Variants in CDH17 observed in about 807,000 individuals in gnomAD.
CDH17 encodes the protein cadherin 17.
CDH17 carries 67 observed loss-of-function variants against 86.3 expected under a neutral mutation model. The observed-to-expected ratio is 0.78, with a 90% CI of 0.64 to 0.95. The LOEUF (loss-of-function observed/expected upper bound fraction) is 0.95. CDH17 is among the 40% of genes least tolerant of loss of function. CDH17 has a pLI of 0.00. For synonymous variants in CDH17, 367 were observed against 366.4 expected (o/e 1.00, Z -0.02); for missense variants, 993 against 1,017.6 (o/e 0.98, Z 0.33).
chr8:94,170,756 G>GTT, intron 8 of CDH17, 98 bp downstream of exon 8: 25 of 1,276,204 alleles, frequency 2.0e-5, no homozygotes, highest in Admixed American at 4.9e-5. Flanking sequence ...TGAAATGTGT[G>GTT]TTTTTTTTTT....
At position 94,173,524 on chromosome 8, in the gene CDH17, C is replaced by A. The variant is rs372557776; in HGVS notation, c.783+273G>T. ...CTTGAACAGCCTGCAAAACGATGCA[C>A]CAATTAAACTTTTCTTTACAAATTC... On this transcript the variant is annotated intron_variant, in intron 7 of 17. Coordinates refer to ENST00000027335, the MANE Select transcript of CDH17 (RefSeq NM_004063.4). Among the ~76,000 whole-genome samples, 246 of 152,334 alleles carry A rather than the reference C, an allele frequency of 1.6e-3. No individual in the cohort carries two copies. In the Middle Eastern group the frequency reaches 0.024, roughly 15 times the overall value.
chr8:94,136,474 T>C (rs1812529079), intron 15 of CDH17, among the ~76,000 whole-genome samples: 1 of 152,232 alleles, frequency 6.6e-6, no homozygotes, highest in Admixed American at 6.5e-5. Context: ...TCTCCTGCCA[T>C]GGTTTTCAGC....
chr8:94,130,463 A>G (rs908380014), intron 17 of CDH17, among the ~76,000 whole-genome samples, 163 bp downstream of exon 17: 2 of 152,264 alleles, frequency 1.3e-5, no homozygotes, highest in Non-Finnish European at 2.9e-5. Context: ...TGTAACTCCA[A>G]TCAAGAAAGT....
At chr8:94,183,551 C>T (rs1410482779) in intron 3 of CDH17, among the ~76,000 whole-genome samples, 1 of 149,396 alleles carries the variant, frequency 6.7e-6, no homozygotes, top group Non-Finnish European at 1.5e-5. Flanking sequence ...CCATACCATA[C>T]ACAAAACTAA....
At chr8:94,211,974 CCCCTGAAA>C (rs1395482993), upstream of CDH17, among the ~76,000 whole-genome samples, 2 of 152,272 alleles carry the variant, frequency 1.3e-5, no homozygotes, top group East Asian at 3.9e-4. Context: ...AATTTTGAAC[CCCCTGAAA>C]CCTAGAGTTC....
At chr8:94,180,630 C>T (rs2130650969) in intron 3 of CDH17, among the ~76,000 whole-genome samples, 1 of 152,248 alleles carries the variant, frequency 6.6e-6, no homozygotes, top group East Asian at 1.9e-4. Flanking sequence ...GGTGCAGTGG[C>T]TCATGCCTGT....
At chr8:94,167,282 C>T (rs931229580) in intron 9 of CDH17, among the ~76,000 whole-genome samples, 3 of 152,128 alleles carry the variant, frequency 2.0e-5, no homozygotes, top group African/African-American at 7.2e-5. Flanking sequence ...AGGTTCCAGA[C>T]CATCCTACTC....
intron 15 of CDH17, among the ~76,000 whole-genome samples, chr8:94,131,607 T>C (rs1812416913): frequency 1.3e-5 from 2 of 151,936 alleles, no homozygotes; most frequent in Non-Finnish European, 2.9e-5. Context: ...TTAGGAATTC[T>C]AGATAGCACT....
intron 3 of CDH17, 140 bp from the exon 4 acceptor site, chr8:94,177,861 T>G (rs1056052774): frequency 6.7e-6 from 5 of 741,054 alleles, no homozygotes; most frequent in Middle Eastern, 3.8e-4. Context: ...AAGTGGTACC[T>G]TCTAAAAGTT....
intron 15 of CDH17, among the ~76,000 whole-genome samples, chr8:94,141,016 A>G (rs1394720201): frequency 1.3e-5 from 2 of 152,164 alleles, no homozygotes; most frequent in African/African-American, 4.8e-5. Context: ...TCCTCATTAT[A>G]CAAGGCAAAA....
intron 12 of CDH17, among the ~76,000 whole-genome samples, chr8:94,152,648 T>G (rs1241519218): frequency 1.3e-5 from 2 of 152,074 alleles, no homozygotes; most frequent in Non-Finnish European, 2.9e-5. Context: ...TCTGCCCACC[T>G]TGGCCTCCCA....
At chr8:94,201,962 G>C (rs1813922754) in intron 1 of CDH17, 3 of 229,782 alleles carry the variant, frequency 1.3e-5, no homozygotes, top group Non-Finnish European at 2.6e-5. Context: ...GGCACACACA[G>C]ATTGCAGGTA....
At chr8:94,129,684 T>C (rs957522645) in intron 17 of CDH17, among the ~76,000 whole-genome samples, 2 of 152,154 alleles carry the variant, frequency 1.3e-5, no homozygotes, top group Non-Finnish European at 2.9e-5. Flanking sequence ...AGAGGGCAAT[T>C]ACTATATAGG....
intron 5 of CDH17, among the ~76,000 whole-genome samples, chr8:94,175,646 CGCCTTAATGAAG>C (rs1178235680): frequency 5.3e-5 from 8 of 151,996 alleles, no homozygotes; most frequent in Non-Finnish European, 8.8e-5. Flanking sequence ...GACACACTCA[CGCCTTAATGAAG>C]GCCTTAATGA....
At chr8:94,198,794 G>C (rs1053837008) in intron 1 of CDH17, among the ~76,000 whole-genome samples, 1 of 152,044 alleles carries the variant, frequency 6.6e-6, no homozygotes, top group African/African-American at 2.4e-5. Flanking sequence ...TGCTTAATGA[G>C]GTTGGATGGA....
intron 1 of CDH17, among the ~76,000 whole-genome samples, chr8:94,200,178 C>T (rs930774455): frequency 9.9e-5 from 15 of 152,278 alleles, no homozygotes; most frequent in African/African-American, 3.6e-4. Context: ...CAGGTCCCAC[C>T]TACACTTCCT....
chr8:94,179,924 A>T (rs1029440765), intron 3 of CDH17, among the ~76,000 whole-genome samples: 1 of 152,194 alleles, frequency 6.6e-6, no homozygotes, highest in African/African-American at 2.4e-5. Flanking sequence ...AAATTATGAA[A>T]TGTACAAAAA....
intron 1 of CDH17, among the ~76,000 whole-genome samples, chr8:94,195,985 C>A (rs1813779282): frequency 6.6e-6 from 1 of 152,182 alleles, no homozygotes; most frequent in Non-Finnish European, 1.5e-5. Flanking sequence ...TGGTCTCAAT[C>A]TCCCGACCTC....
At chr8:94,154,282 G>A (rs1358184619) in intron 12 of CDH17, among the ~76,000 whole-genome samples, 1 of 152,192 alleles carries the variant, frequency 6.6e-6, no homozygotes, top group East Asian at 1.9e-4. Context: ...ACGCTAATAT[G>A]TCTTAGAAGA....
Sources: allele counts gnomAD v4.1 joint callset (sites outside exome capture counted in the v4.1 genomes callset), GRCh38; gene constraint gnomAD v4.1.1; transcripts MANE v1.5; gene names NCBI Gene and HGNC (gene_info 2026-07-23, HGNC 2026-07-21).